The following CLEC16A variants were observed in gnomAD, a reference collection of about 807,000 sequenced individuals.
The protein encoded by CLEC16A is C-type lectin domain containing 16A.
In CLEC16A, 51 loss-of-function variants were observed where a neutral mutation model predicts 109.5. That is an observed-to-expected ratio of 0.47 (90% CI 0.37 to 0.59). The LOEUF (loss-of-function observed/expected upper bound fraction) is 0.59. Among genes scored for constraint, CLEC16A ranks in the 20% least tolerant of loss-of-function variants. The pLI, the probability that CLEC16A is intolerant of heterozygous loss-of-function variation, is 0.00. For synonymous variants in CLEC16A, 673 were observed against 564.2 expected (o/e 1.19, Z -2.73); for missense variants, 1,339 against 1,394.0 (o/e 0.96, Z 0.63).
intron 11 of CLEC16A, among the ~76,000 whole-genome samples, chr16:11,014,920 C>G (rs1308828053): frequency 6.6e-6 from 1 of 152,176 alleles, no homozygotes. Flanking sequence ...CAGGGGAGGT[C>G]AAGTCCTCTT....
intron 19 of CLEC16A, among the ~76,000 whole-genome samples, chr16:11,094,549 C>A (rs368410269): frequency 6.6e-6 from 1 of 152,338 alleles, no homozygotes; most frequent in Middle Eastern, 3.4e-3. Flanking sequence ...ACCACCTCCC[C>A]CCCTACAACT....
chr16:11,101,076 A>G (rs888287920), intron 19 of CLEC16A, among the ~76,000 whole-genome samples: 2 of 152,130 alleles, frequency 1.3e-5, no homozygotes, highest in African/African-American at 4.8e-5. Flanking sequence ...AAAGGAACAA[A>G]TGTCATGTTA....
chr16:10,989,259 T>C (rs2043855641), intron 10 of CLEC16A, among the ~76,000 whole-genome samples: 1 of 152,154 alleles, frequency 6.6e-6, no homozygotes. Flanking sequence ...CTCGCGTTGT[T>C]GCCCAGTCTG....
At position 11,039,754 on chromosome 16, in the gene CLEC16A, G is replaced by C; in HGVS notation, c.1538G>C (p.Gly513Ala). 1 of 1,597,234 alleles carries C rather than the reference G, an allele frequency of 6.3e-7. No individual in the cohort carries two copies. Among genetic ancestry groups the C allele is most frequent in the Middle Eastern group, 1.7e-4 (1 of 6,046 alleles). The change falls in exon 14 of 24, where the codon GGC (glycine) becomes GCC (alanine). Residue 513 changes from glycine to alanine, a missense_variant and splice_region_variant. Coordinates refer to ENST00000409790, the MANE Select transcript of CLEC16A (RefSeq NM_015226.3). Reference sequence around the variant, plus strand: ...CTTACATCCTTCTCCTCTGTTCCAGGCATGGATCCTGAAAAATTAGAGCGA... The same window carrying C: ...CTTACATCCTTCTCCTCTGTTCCAGCCATGGATCCTGAAAAATTAGAGCGA... The part of the protein sequence containing the change: ...CLLYAMSHNK[G>A]MDPEKLERIQ...
chr16:11,118,866 T>G (rs1209278305), intron 19 of CLEC16A, among the ~76,000 whole-genome samples: 2 of 152,190 alleles, frequency 1.3e-5, no homozygotes, highest in Admixed American at 6.5e-5. Context: ...GCTGTCCGGT[T>G]TTCTCAGCAC....
At chr16:11,063,626 A>G (rs2048609095) in intron 19 of CLEC16A, among the ~76,000 whole-genome samples, 1 of 152,118 alleles carries the variant, frequency 6.6e-6, no homozygotes, top group Admixed American at 6.5e-5. Context: ...ACACTTCAGT[A>G]AGAAACAACA....
chr16:11,095,614 C>G (rs1308810457), intron 19 of CLEC16A, among the ~76,000 whole-genome samples: 7 of 152,080 alleles, frequency 4.6e-5, no homozygotes, highest in African/African-American at 1.7e-4. Flanking sequence ...GAGTTCGAAA[C>G]CAGCCTGGCC....
intron 9 of CLEC16A, among the ~76,000 whole-genome samples, chr16:10,981,485 G>A (rs1023653082): frequency 3.3e-5 from 5 of 152,172 alleles, no homozygotes; most frequent in African/African-American, 1.2e-4. Flanking sequence ...TGGCCATTCT[G>A]CCTGTACCTT....
At chr16:11,024,969 C>G in intron 13 of CLEC16A, 48 bp downstream of exon 13, 1 of 1,276,676 alleles carries the variant, frequency 7.8e-7, no homozygotes, top group Non-Finnish European at 1.1e-6. Flanking sequence ...CCTGCATACC[C>G]ATAGCATCCT....
chr16:11,112,194 G>A (rs1263273723), intron 19 of CLEC16A, among the ~76,000 whole-genome samples: 2 of 152,214 alleles, frequency 1.3e-5, no homozygotes, highest in Non-Finnish European at 2.9e-5. Flanking sequence ...AGCCCCATGA[G>A]TGCTTGAAAA....
rs942637123 is a variant in CLEC16A, at chr16:10,986,320, C to A, written c.1071+3329C>A. On this transcript the variant is annotated intron_variant, in intron 10 of 23. Coordinates refer to ENST00000409790, the MANE Select transcript of CLEC16A (RefSeq NM_015226.3). ...GCTGAGATTACAGGCATGAGCCGGC[C>A]TGCTGCATTTTTAGAGTTGTGATAA... Among the ~76,000 whole-genome samples, 5 of 152,048 alleles carry A rather than the reference C, an allele frequency of 3.3e-5. No individual in the cohort carries two copies. The East Asian group carries it at 9.6e-4, about 29-fold the overall frequency.
At chr16:11,104,650 G>A (rs79780130) in intron 19 of CLEC16A, among the ~76,000 whole-genome samples, 2 of 152,130 alleles carry the variant, frequency 1.3e-5, no homozygotes, top group South Asian at 2.1e-4. Flanking sequence ...CCCATACCAC[G>A]AAGGTGGAGA....
intron 7 of CLEC16A, among the ~76,000 whole-genome samples, chr16:10,973,867 G>T (rs1226373475): frequency 7.2e-6 from 1 of 139,150 alleles, no homozygotes; most frequent in East Asian, 2.1e-4. Flanking sequence ...CATACATCCG[G>T]CCAAGTAAGG....
At chr16:11,017,382 G>GT (rs1052499619) in intron 11 of CLEC16A, among the ~76,000 whole-genome samples, 2 of 152,180 alleles carry the variant, frequency 1.3e-5, no homozygotes, top group African/African-American at 4.8e-5. Flanking sequence ...AATAGAGAAT[G>GT]TAAGAGCCAA....
At chr16:11,093,652 C>T (rs1163764970) in intron 19 of CLEC16A, among the ~76,000 whole-genome samples, 1 of 152,180 alleles carries the variant, frequency 6.6e-6, no homozygotes, top group African/African-American at 2.4e-5. Context: ...CGAGGGTGGG[C>T]AGATGCACCC....
chr16:10,991,355 C>T (rs1339378847), intron 10 of CLEC16A, among the ~76,000 whole-genome samples: 2 of 136,652 alleles, frequency 1.5e-5, no homozygotes, highest in African/African-American at 2.8e-5. Flanking sequence ...ACCTGGGAGG[C>T]GGAGCTTGCA....
Position 11,178,603 on chromosome 16 carries a change from C to A in CLEC16A, c.3075C>A (p.Pro1025=). 1 of 1,606,980 alleles carries A rather than the reference C, an allele frequency of 6.2e-7. No homozygotes were observed. The part of the protein sequence containing the change: ...PHSLRSLTGM[P]PLSTPAAACT... ...GCCTCCGCAGCCTCACCGGCATGCC[C>A]CCGCTGTCCACGCCGGCTGCCGCCT... is the stretch of plus-strand genomic sequence containing the variant. The change falls in exon 24 of 24, where the codon CCC becomes CCA. Residue 1025 remains proline (P), a synonymous_variant. Coordinates refer to ENST00000409790, the MANE Select transcript of CLEC16A (RefSeq NM_015226.3). The surrounding 1 kb of genome is among the most constrained non-coding windows in gnomAD (Gnocchi z 6.5).
intron 9 of CLEC16A, among the ~76,000 whole-genome samples, chr16:10,982,203 C>A (rs1292967663): frequency 1.3e-5 from 2 of 152,174 alleles, no homozygotes; most frequent in African/African-American, 4.8e-5. Context: ...AAAGCTGGTC[C>A]TCTGAACATT....
intron 10 of CLEC16A, among the ~76,000 whole-genome samples, chr16:10,995,747 T>C (rs113973292): frequency 1.0e-3 from 156 of 152,266 alleles, no homozygotes; most frequent in African/African-American, 3.3e-3. Context: ...GCTTGGCTAG[T>C]AGAATGTGGG....
Sources: allele counts gnomAD v4.1 joint callset (sites outside exome capture counted in the v4.1 genomes callset), GRCh38; gene constraint gnomAD v4.1.1; non-coding constraint Gnocchi (gnomAD v3.1); transcripts MANE v1.5; gene names NCBI Gene and HGNC (gene_info 2026-07-23, HGNC 2026-07-21).